Variants in AFF3 observed in about 807,000 individuals in gnomAD.
The protein encoded by AFF3 is AF4/FMR2 family member 3.
A neutral mutation model predicts 129.7 loss-of-function variants in AFF3; 32 were observed. The ratio of observed to expected loss-of-function variants is 0.25; its 90% CI spans 0.19 to 0.33. The LOEUF is 0.33. Ranked by LOEUF, AFF3 falls within the 10% of genes least tolerant of loss-of-function variation. The pLI, the probability that AFF3 is intolerant of heterozygous loss-of-function variation, is 1.00. For synonymous variants in AFF3, 644 were observed against 635.4 expected, an observed-to-expected ratio of 1.01 and a Z score of -0.20; for missense variants, 1,373 against 1,592.0, an observed-to-expected ratio of 0.86 and a Z score of 2.34.
At position 100,006,904 on chromosome 2, in the gene AFF3, C is replaced by T; in HGVS notation, c.601G>A (p.Ala201Thr). The T allele has an allele frequency of 6.2e-7, 1 of 1,614,158 alleles. No individual in the cohort carries two copies. The highest frequency in any genetic ancestry group is 1.1e-5 in the South Asian group (1 of 91,078). ...CTGCTGCTGTGCTTGGCCGCCATGG[C>T]AGGTGGCCTCTCCTGGGTCTGAAGG... ...VGLQTQERPP[A>T]MAAKHSSSGH... is the part of the protein sequence containing the mutation. The change falls in exon 7 of 25, where the codon GCC becomes ACC. Residue 201 changes from alanine to threonine, a missense_variant. Transcript: ENST00000672756.
intron 1 of AFF3, among the ~76,000 whole-genome samples, chr2:100,142,110 G>A (rs1003787381): frequency 6.6e-6 from 1 of 152,026 alleles, no homozygotes; most frequent in African/African-American, 2.4e-5. Context: ...TGAGCAACAT[G>A]AGGTTAAGAC....
At chr2:99,895,208 G>C (rs555902107) in intron 7 of AFF3, among the ~76,000 whole-genome samples, 3 of 152,324 alleles carry the variant, frequency 2.0e-5, no homozygotes, top group Admixed American at 2.0e-4. Flanking sequence ...CATCAAGCTC[G>C]AAGGGCTCAC....
chr2:100,104,784 C>T (rs1691115717), intron 3 of AFF3: 2 of 851,174 alleles, frequency 2.3e-6, no homozygotes, highest in Non-Finnish European at 2.7e-6. Context: ...CGCGGCGGCC[C>T]GGCCCGCTGC....
At chr2:99,728,298 A>C (rs757777758) in intron 10 of AFF3, among the ~76,000 whole-genome samples, 7 of 152,128 alleles carry the variant, frequency 4.6e-5, no homozygotes, top group Non-Finnish European at 1.0e-4. Flanking sequence ...ACCCCAGAGA[A>C]GGCTGTGAGT....
chr2:99,979,084 T>C (rs1679157641), intron 7 of AFF3, among the ~76,000 whole-genome samples: 1 of 136,232 alleles, frequency 7.3e-6, no homozygotes, highest in South Asian at 2.2e-4. Context: ...TGGAAGTATA[T>C]AAATAGGGCA....
At chr2:99,765,886 G>A (rs1682967847) in intron 8 of AFF3, among the ~76,000 whole-genome samples, 1 of 152,188 alleles carries the variant, frequency 6.6e-6, no homozygotes, top group Non-Finnish European at 1.5e-5. Context: ...CACTAAAGCA[G>A]CATGTCCATA....
chr2:99,720,640 C>T (rs1326065733), intron 11 of AFF3, among the ~76,000 whole-genome samples: 1 of 152,194 alleles, frequency 6.6e-6, no homozygotes, highest in Admixed American at 6.5e-5. Context: ...AATGCAGTTA[C>T]TAATATGACT....
At chr2:100,038,109 G>A (rs1393236213) in intron 4 of AFF3, among the ~76,000 whole-genome samples, 1 of 151,994 alleles carries the variant, frequency 6.6e-6, no homozygotes, top group African/African-American at 2.4e-5. Context: ...ATTAAGGGAA[G>A]AGGAGAGGGT....
intron 11 of AFF3, among the ~76,000 whole-genome samples, chr2:99,684,677 TC>T (rs1179488541): frequency 6.6e-6 from 1 of 151,504 alleles, no homozygotes; most frequent in African/African-American, 2.4e-5. Context: ...AGTGGTGTGA[TC>T]ACAGCTCACT....
At chr2:99,769,152 C>T (rs1318154162) in intron 8 of AFF3, among the ~76,000 whole-genome samples, 1 of 152,160 alleles carries the variant, frequency 6.6e-6, no homozygotes, top group East Asian at 1.9e-4. Context: ...CTATTTTCTA[C>T]ATCTTATACC....
In AFF3 at chr2:99,744,183, T is replaced by G. The variant is rs1327162894; in HGVS notation, c.1003-43A>C. On this transcript the variant is annotated intron_variant, in intron 9 of 24. Coordinates refer to ENST00000672756, the MANE Select transcript of AFF3 (RefSeq NM_001386135.1). Reference sequence around the variant, plus strand: ...ATCAATTAATTTTCTTATTTTGACTTTCAAAATCCAAGTTAAACATGAGAT... The same window carrying G: ...ATCAATTAATTTTCTTATTTTGACTGTCAAAATCCAAGTTAAACATGAGAT... 4.5e-6 allele frequency: 7 copies of G among 1,561,006 alleles called. No homozygotes were observed. In the African/African-American group the frequency reaches 8.2e-5, roughly 18 times the overall value.
intron 4 of AFF3, chr2:100,011,407 C>CGAAGTG (rs1373746130): frequency 3.6e-5 from 28 of 773,298 alleles, no homozygotes; most frequent in Admixed American, 8.5e-5. Flanking sequence ...GTGTGATGCA[C>CGAAGTG]GAAGTGGCCT....
At chr2:99,578,568 T>C in intron 17 of AFF3, 117 bp from the exon 18 acceptor site, 2 of 1,442,530 alleles carry the variant, frequency 1.4e-6, no homozygotes, top group Non-Finnish European at 1.9e-6. Context: ...TTGTGTGCTG[T>C]ATTAGAATTG....
chr2:99,649,607 T>C lies in AFF3; in HGVS notation c.1184+19A>G. On this transcript the variant is annotated intron_variant, in intron 13 of 24. Coordinates refer to ENST00000672756, the MANE Select transcript of AFF3 (RefSeq NM_001386135.1). ...GTTTCATAAAGCAATTTATAGTTCA[T>C]AAAAATGACAAAATGTACCTGTCAG... The C allele has an allele frequency of 1.9e-6, 3 of 1,612,636 alleles. No individual in the cohort carries two copies. The highest frequency in any genetic ancestry group is 2.5e-6 in the Non-Finnish European group (3 of 1,179,484).
intron 8 of AFF3, among the ~76,000 whole-genome samples, chr2:99,809,028 G>A (rs1172468835): frequency 6.6e-6 from 1 of 152,250 alleles, no homozygotes; most frequent in Non-Finnish European, 1.5e-5. Context: ...GGTAGCAATG[G>A]ATATGAATCA....
intron 24 of AFF3, among the ~76,000 whole-genome samples, chr2:99,553,205 A>C (rs1674568028): frequency 6.6e-6 from 1 of 152,114 alleles, no homozygotes; most frequent in Non-Finnish European, 1.5e-5. Context: ...CCAAAATCTA[A>C]GTGCTTTTCA....
At chr2:99,946,607 G>C (rs1251825695) in intron 7 of AFF3, among the ~76,000 whole-genome samples, 1 of 150,884 alleles carries the variant, frequency 6.6e-6, no homozygotes, top group Non-Finnish European at 1.5e-5. Context: ...CAGACATGGA[G>C]CTTCCCTAGC....
chr2:99,896,413 C>T (rs1693947676), intron 7 of AFF3, among the ~76,000 whole-genome samples: 1 of 151,986 alleles, frequency 6.6e-6, no homozygotes, highest in Admixed American at 6.6e-5. Flanking sequence ...CTGCAGCCAC[C>T]TGTCCATAAG....
At chr2:99,601,333 G>C (rs1013198697) in intron 14 of AFF3, 102 bp downstream of exon 14, 18 of 1,339,306 alleles carry the variant, frequency 1.3e-5, no homozygotes, top group Non-Finnish European at 8.7e-6. Context: ...GTCTGCAGGA[G>C]GGAGGAGACC....
Sources: gnomAD v4.1 joint callset for allele counts (sites outside exome capture counted in the v4.1 genomes callset) on GRCh38, gnomAD v4.1.1 for gene constraint, MANE v1.5 for transcripts, NCBI Gene and HGNC (gene_info 2026-07-23, HGNC 2026-07-21) for gene names.